The following EPN3 variants were observed in gnomAD, a reference collection of about 807,000 sequenced individuals.
EPN3 encodes the protein epsin-3.
Under a neutral mutation model 55.5 loss-of-function variants are expected in EPN3, and 56 were observed. That is an observed-to-expected ratio of 1.01 (90% confidence interval 0.81 to 1.26). EPN3 has a LOEUF of 1.26. Ranked by LOEUF, EPN3 falls within the 50% of genes most tolerant of loss-of-function variation. EPN3 has a pLI of 0.00. For synonymous variants in EPN3, 449 were observed against 375.2 expected (o/e 1.20, Z -2.27); for missense variants, 927 against 853.4 (o/e 1.09, Z -1.07).
At chr17:50,537,222 T>A in intron 2 of EPN3, 104 bp downstream of exon 2, 1 of 1,198,238 alleles carries the variant, frequency 8.3e-7, no homozygotes, top group Non-Finnish European at 1.1e-6. Context: ...CCGAGGGGTG[T>A]TATGAAGATT....
intron 1 of EPN3, chr17:50,534,654 T>G (rs985021337): frequency 1.0e-6 from 1 of 985,250 alleles, no homozygotes; most frequent in Non-Finnish European, 1.2e-6. Context: ...AGACAAAAGG[T>G]AGGCTGCGCT....
intron 6 of EPN3, 31 bp downstream of exon 6, chr17:50,540,365 G>A (rs1194949558): frequency 6.3e-7 from 1 of 1,588,720 alleles, no homozygotes; most frequent in African/African-American, 1.3e-5. Context: ...GAGACTTCCA[G>A]GCTGGCCCAA....
chr17:50,541,945 G>C lies in EPN3; in HGVS notation c.1687G>C (p.Gly563Arg), dbSNP rs1287351266. Residue 563 changes from glycine to arginine, a missense_variant, in exon 10 of 10, where the codon GGC becomes CGC. Physicochemically the swap from Gly to Arg is moderately radical, Grantham distance 125. Transcript: ENST00000268933. The stretch of plus-strand genomic sequence containing the variant: ...CGGCTCGCCGGCGCTGGGCCTGGCA[G>C]GCGGGCCTGTGGGGGCGCCCCTGGG... ...RTGSPALGLA[G>R]GPVGAPLGSM... 1 of 1,597,154 alleles carries C rather than the reference G, an allele frequency of 6.3e-7. No individual in the cohort carries two copies. The highest frequency in any genetic ancestry group is 8.5e-7 in the Non-Finnish European group (1 of 1,177,598).
rs764510741 is a variant in EPN3 at position 50,538,172 on chromosome 17, C to T, written c.656C>T (p.Ala219Val). 11 of 1,611,326 alleles carry T rather than the reference C, an allele frequency of 6.8e-6. No individual in the cohort carries two copies. In the East Asian group the frequency reaches 2.2e-4, roughly 33 times the overall value. Residue 219 changes from alanine to valine, a missense_variant, in exon 3 of 10, where the codon GCC (alanine) becomes GTC (valine). Ala to Val is a moderately conservative substitution (Grantham distance 64, BLOSUM62 0). Transcript: ENST00000268933. ...EEELQLQLAL[A>V]MSREEAEKPV... The stretch of plus-strand genomic sequence containing the variant: ...GAACTGCAGCTGCAGCTGGCCCTCG[C>T]CATGAGCCGTGAGGAGGCAGAGAAG...
rs2034805972 is a variant in EPN3, at chr17:50,538,983, T to C, written c.762+19T>C. On this transcript the variant is annotated intron_variant, in intron 4 of 9. Transcript: ENST00000268933. Reference sequence around the variant, plus strand: ...CGAGAAGGTAGTGGGCCGAGCCCGCTGGGCTGCCGGTGCTGCTGCTGCTGC... The same window carrying C: ...CGAGAAGGTAGTGGGCCGAGCCCGCCGGGCTGCCGGTGCTGCTGCTGCTGC... 3 of 1,584,272 alleles carry C rather than the reference T, an allele frequency of 1.9e-6. No homozygotes were observed. The highest frequency in any genetic ancestry group is 1.7e-6 in the Non-Finnish European group (2 of 1,164,034).
chr17:50,541,551 A>G lies in EPN3; in HGVS notation c.1442A>G (p.Glu481Gly). ...GCCCTGGACCTGGGCATACTAGGGG[A>G]AGCACTAACCCAGCCAAGCAAAGAG... ...PDALDLGILG[E>G]ALTQPSKEAR... The change falls in exon 9 of 10, where the codon GAA becomes GGA. Residue 481 changes from glutamate (E) to glycine (G), a missense_variant. Glu to Gly is a moderately conservative substitution (Grantham distance 98). Coordinates refer to ENST00000268933, the MANE Select transcript of EPN3 (RefSeq NM_017957.3). The G allele has an allele frequency of 6.2e-7, 1 of 1,614,140 alleles. No individual in the cohort carries two copies. The highest frequency in any genetic ancestry group is 8.5e-7 in the Non-Finnish European group (1 of 1,180,018).
At chr17:50,540,438 C>A in intron 6 of EPN3, 104 bp downstream of exon 6, 2 of 1,080,650 alleles carry the variant, frequency 1.9e-6, no homozygotes, top group African/African-American at 1.6e-5. Flanking sequence ...TGAGTGTCAC[C>A]GGGCAAGTCA....
intron 1 of EPN3, among the ~76,000 whole-genome samples, chr17:50,533,501 G>T (rs2034709433): frequency 6.6e-6 from 1 of 152,212 alleles, no homozygotes; most frequent in Non-Finnish European, 1.5e-5. Context: ...GGAAGAGGGT[G>T]TGGGCTGGGC....
chr17:50,533,932 C>T (rs2034719136), intron 1 of EPN3, among the ~76,000 whole-genome samples: 1 of 152,202 alleles, frequency 6.6e-6, no homozygotes, highest in East Asian at 1.9e-4. Context: ...GCTGCTACCG[C>T]CACCGCCTTA....
intron 1 of EPN3, 33 bp from the exon 2 acceptor site, chr17:50,536,388 C>T: frequency 1.4e-6 from 2 of 1,447,898 alleles, no homozygotes; most frequent in Non-Finnish European, 9.0e-7. Flanking sequence ...AGGTAGGCCT[C>T]TGCCCCTGAG....
intron 1 of EPN3, among the ~76,000 whole-genome samples, chr17:50,535,547 C>T (rs1401267606): frequency 1.3e-5 from 2 of 152,078 alleles, no homozygotes; most frequent in African/African-American, 4.8e-5. Flanking sequence ...CCCTGACTTG[C>T]TGGTTCACTC....
intron 1 of EPN3, among the ~76,000 whole-genome samples, chr17:50,533,649 C>A (rs996397364): frequency 8.5e-5 from 13 of 152,126 alleles, no homozygotes; most frequent in African/African-American, 2.9e-4. Flanking sequence ...CTCTCCAGAT[C>A]CCCCCATCCT....
chr17:50,538,119 G>T lies in EPN3; in HGVS notation c.603G>T (p.Gln201His). The change falls in exon 3 of 10, where the codon CAG becomes CAT. Residue 201 changes from glutamine (Q) to histidine (H), a missense_variant. Gln to His is a conservative substitution (Grantham distance 24, BLOSUM62 0). Transcript: ENST00000268933. The stretch of plus-strand genomic sequence containing the variant: ...CCCGCTATACCTCCGACCTGGAGCA[G>T]GCCCGGCCTCAGACGTCAGGGGAAG... ...SSPRYTSDLEQARPQTSGEEE... is the reference protein window; with the variant it reads ...SSPRYTSDLEHARPQTSGEEE... The T allele has an allele frequency of 6.2e-7, 1 of 1,614,100 alleles. No homozygotes were observed. The highest frequency in any genetic ancestry group is 8.5e-7 in the Non-Finnish European group (1 of 1,180,012).
chr17:50,536,824 G>C lies in EPN3; in HGVS notation c.268G>C (p.Glu90Gln). 6.2e-7 allele frequency: 1 copy of C among 1,614,132 alleles called. No individual in the cohort carries two copies. The highest frequency in any genetic ancestry group is 1.1e-5 in the South Asian group (1 of 91,084). ...GGACTACCTGCTCAAGACGGGCTCC[G>C]AGCGGGTGGCCCACCAGTGCCGCGA... is the stretch of plus-strand genomic sequence containing the variant. ...LLDYLLKTGSERVAHQCRENL... is the reference protein window; with the variant it reads ...LLDYLLKTGSQRVAHQCRENL... Residue 90 changes from glutamate (E) to glutamine (Q), a missense_variant, in exon 2 of 10, where the codon GAG (glutamate) becomes CAG (glutamine). Physicochemically the swap from Glu to Gln is conservative, Grantham distance 29. Transcript: ENST00000268933.
intron 1 of EPN3, among the ~76,000 whole-genome samples, chr17:50,534,941 G>C (rs1449541329): frequency 6.6e-6 from 1 of 152,240 alleles, no homozygotes; most frequent in Non-Finnish European, 1.5e-5. Flanking sequence ...CACGGGTGAA[G>C]TGGAGGCTCT....
intron 2 of EPN3, chr17:50,537,795 T>C (rs1038627248): frequency 2.4e-6 from 1 of 409,672 alleles, no homozygotes. Context: ...GTCCAAGAGC[T>C]GGAGTCAGGG....
chr17:50,537,846 C>A, intron 2 of EPN3: 1 of 484,832 alleles, frequency 2.1e-6, no homozygotes, highest in Non-Finnish European at 3.6e-6. Context: ...TGGTCAGGGG[C>A]CCTAAGTGCC....
Position 50,538,864 on chromosome 17 carries a change from A to G in EPN3, c.682-20A>G. On this transcript the variant is annotated intron_variant, in intron 3 of 9. Transcript: ENST00000268933. ...AAGGTGGGGGTACAGGGCCAAGTTTACCCCTCTCTTCCTCCGCAGCCTGTC... is the reference window on the plus strand; with the variant it reads ...AAGGTGGGGGTACAGGGCCAAGTTTGCCCCTCTCTTCCTCCGCAGCCTGTC... 2 of 1,559,756 alleles carry G rather than the reference A, an allele frequency of 1.3e-6. No individual in the cohort carries two copies. Among genetic ancestry groups the G allele is most frequent in the Middle Eastern group, 1.8e-4 (1 of 5,668 alleles).
In EPN3 at chr17:50,539,251, A is replaced by G. The variant is rs2144035597; in HGVS notation, c.827A>G (p.His276Arg). The G allele has an allele frequency of 6.2e-7, 1 of 1,614,214 alleles. No individual in the cohort carries two copies. Among genetic ancestry groups the G allele is most frequent in the Non-Finnish European group, 8.5e-7 (1 of 1,180,030 alleles). ...MANGAGAVVH[H>R]QRDREPEREE... ...AATGGTGCAGGGGCCGTGGTCCACC[A>G]TCAGCGGGACAGAGAGCCTGAGAGA... Residue 276 changes from histidine to arginine, a missense_variant, in exon 5 of 10, where the codon CAT (histidine) becomes CGT (arginine). His to Arg is a conservative substitution (Grantham distance 29). Coordinates refer to ENST00000268933, the MANE Select transcript of EPN3 (RefSeq NM_017957.3).
Sources: gnomAD v4.1 joint callset for allele counts (sites outside exome capture counted in the v4.1 genomes callset) on GRCh38, gnomAD v4.1.1 for gene constraint, MANE v1.5 for transcripts, NCBI Gene and HGNC (gene_info 2026-07-23, HGNC 2026-07-21) for gene names.